The following CNKSR3 variants were observed in gnomAD, a reference collection of about 807,000 sequenced individuals.
The protein encoded by CNKSR3 is CNKSR family member 3.
CNKSR3 carries 36 observed loss-of-function variants against 67.7 expected under a neutral mutation model. The observed-to-expected ratio is 0.53, with a 90% CI of 0.41 to 0.70. CNKSR3 has a LOEUF of 0.70. Ranked by LOEUF, CNKSR3 falls within the 30% of genes least tolerant of loss-of-function variation. CNKSR3 has a pLI of 0.00. For missense variants in CNKSR3, 630 were observed against 695.2 expected, an observed-to-expected ratio of 0.91 and a Z score of 1.05; for synonymous variants, 281 against 271.4, an observed-to-expected ratio of 1.04 and a Z score of -0.35.
chr6:154,412,669 T>A (rs772854942), intron 10 of CNKSR3, among the ~76,000 whole-genome samples: 2 of 152,024 alleles, frequency 1.3e-5, no homozygotes, highest in Non-Finnish European at 2.9e-5. Flanking sequence ...AAGCCAAGAC[T>A]CAAGGAAATG....
chr6:154,417,788 G>A (rs1247948929), intron 9 of CNKSR3, among the ~76,000 whole-genome samples: 1 of 152,108 alleles, frequency 6.6e-6, no homozygotes, highest in Non-Finnish European at 1.5e-5. Context: ...ACACCAAGGA[G>A]AGGGTCCTCA....
rs1388134118 is a variant in CNKSR3 at position 154,405,562 on chromosome 6, T to A, written c.*792A>T. The A allele has an allele frequency of 6.6e-6, 1 of 152,230 alleles. No individual in the cohort carries two copies. The highest frequency in any genetic ancestry group is 1.5e-5 in the Non-Finnish European group (1 of 68,052). The allele number at this position is 152,230 out of a possible 1,614,324, so 9.4% of individuals were successfully genotyped here. ...CTGAACAGGTCAAAATGCAAACTCA[T>A]GTATCTTTCATCAACCTAAATCTTG... On this transcript the variant is annotated 3_prime_UTR_variant, in exon 13 of 13. Transcript: ENST00000607772.
At chr6:154,488,738 C>G (rs1434294806) in intron 1 of CNKSR3, among the ~76,000 whole-genome samples, 1 of 152,150 alleles carries the variant, frequency 6.6e-6, no homozygotes, top group East Asian at 1.9e-4. Flanking sequence ...AACAGCTATC[C>G]ATGTCCTCCA....
Position 154,388,686 on chromosome 6 carries a change from G to C in CNKSR3, c.*17668C>G, listed in dbSNP as rs544831293. 1 of 152,074 alleles carries C rather than the reference G, an allele frequency of 6.6e-6. No individual in the cohort carries two copies. The highest frequency in any genetic ancestry group is 2.4e-5 in the African/African-American group (1 of 41,466). The allele number at this position is 152,074 out of a possible 1,614,324, so 9.4% of individuals were successfully genotyped here. ...CTTCACCAATATTTGTTGTGTTTTG[G>C]TTCTTCAATGATAGCCATCCTGACA... On this transcript the variant is annotated 3_prime_UTR_variant, in exon 13 of 13. Coordinates refer to ENST00000607772, the MANE Select transcript of CNKSR3 (RefSeq NM_173515.4).
At chr6:154,461,473 A>G (rs552268147) in intron 1 of CNKSR3, among the ~76,000 whole-genome samples, 1 of 152,346 alleles carries the variant, frequency 6.6e-6, no homozygotes, top group South Asian at 2.1e-4. Flanking sequence ...TGCACCAACT[A>G]TACAGGCCAG....
chr6:154,406,711 T>C, intron 12 of CNKSR3, 59 bp from the exon 13 acceptor site: 2 of 1,472,442 alleles, frequency 1.4e-6, no homozygotes, highest in South Asian at 2.6e-5. Context: ...GGCTCACACC[T>C]GTAATCTCCG....
intron 1 of CNKSR3, among the ~76,000 whole-genome samples, chr6:154,505,756 T>C (rs1020478057): frequency 6.7e-6 from 1 of 148,674 alleles, no homozygotes; most frequent in Non-Finnish European, 1.5e-5. Context: ...CACCTCGGCC[T>C]CCCAAAGTGC....
chr6:154,485,604 T>C (rs1283823193), intron 1 of CNKSR3, among the ~76,000 whole-genome samples: 2 of 152,238 alleles, frequency 1.3e-5, no homozygotes, highest in Admixed American at 1.3e-4. Flanking sequence ...AAATCTGTTC[T>C]TAATACGAAC....
At chr6:154,412,298 C>A (rs987000454) in intron 10 of CNKSR3, among the ~76,000 whole-genome samples, 1 of 152,206 alleles carries the variant, frequency 6.6e-6, no homozygotes, top group Non-Finnish European at 1.5e-5. Context: ...GTAATCCATT[C>A]CCATTTTTCA....
intron 5 of CNKSR3, 143 bp downstream of exon 5, chr6:154,433,323 C>T: frequency 4.5e-6 from 3 of 666,198 alleles, no homozygotes; most frequent in South Asian, 3.5e-5. Flanking sequence ...CTTTCTCTTC[C>T]ACCTAAATTT....
chr6:154,499,455 T>A (rs1786939875), intron 1 of CNKSR3, among the ~76,000 whole-genome samples: 1 of 152,182 alleles, frequency 6.6e-6, no homozygotes, highest in African/African-American at 2.4e-5. Context: ...CCCAGGAATT[T>A]ACATGTCTAT....
At chr6:154,483,286 T>C (rs1786600629) in intron 1 of CNKSR3, among the ~76,000 whole-genome samples, 1 of 152,200 alleles carries the variant, frequency 6.6e-6, no homozygotes, top group South Asian at 2.1e-4. Flanking sequence ...TAACGTTCTT[T>C]AACCTGTAAG....
chr6:154,407,872 G>GGA (rs776935207), intron 12 of CNKSR3, among the ~76,000 whole-genome samples: 1 of 68,662 alleles, frequency 1.5e-5, no homozygotes, highest in African/African-American at 5.8e-5. Context: ...TTTAGAATTT[G>GGA]AAAAAAAAAA....
At chr6:154,414,260 C>A in intron 10 of CNKSR3, 39 bp downstream of exon 10, 5 of 1,535,676 alleles carry the variant, frequency 3.3e-6, no homozygotes, top group Non-Finnish European at 3.5e-6. Context: ...ATGACACCAA[C>A]AGGAGACAAG....
At chr6:154,444,996 C>T (rs768930778) in intron 2 of CNKSR3, among the ~76,000 whole-genome samples, 6 of 151,674 alleles carry the variant, frequency 4.0e-5, no homozygotes, top group Non-Finnish European at 8.8e-5. Context: ...CATAAATATA[C>T]TCGGAAGTAG....
intron 1 of CNKSR3, among the ~76,000 whole-genome samples, chr6:154,479,571 C>T (rs986030303): frequency 2.0e-5 from 3 of 152,050 alleles, no homozygotes; most frequent in Admixed American, 6.5e-5. Flanking sequence ...GATCTCACTG[C>T]GACAGCTAGG....
At chr6:154,442,560 T>C (rs1029133041) in intron 2 of CNKSR3, among the ~76,000 whole-genome samples, 3 of 152,138 alleles carry the variant, frequency 2.0e-5, no homozygotes, top group Non-Finnish European at 4.4e-5. Context: ...AGGCAGAGCT[T>C]GCAGTGAGCC....
chr6:154,444,206 A>G (rs1785660281), intron 2 of CNKSR3, among the ~76,000 whole-genome samples: 1 of 152,248 alleles, frequency 6.6e-6, no homozygotes, highest in African/African-American at 2.4e-5. Context: ...AATACTTAAC[A>G]TTATTGAACA....
intron 1 of CNKSR3, among the ~76,000 whole-genome samples, chr6:154,493,816 C>G (rs1279843631): frequency 1.3e-5 from 2 of 152,076 alleles, no homozygotes; most frequent in African/African-American, 2.4e-5. Flanking sequence ...CTCTTGAGAA[C>G]TCACTCACTA....
Sources: gnomAD v4.1 joint callset for allele counts (sites outside exome capture counted in the v4.1 genomes callset) on GRCh38, gnomAD v4.1.1 for gene constraint, MANE v1.5 for transcripts, NCBI Gene and HGNC (gene_info 2026-07-23, HGNC 2026-07-21) for gene names.